Variants in NCAPG observed in about 807,000 individuals in gnomAD.
NCAPG encodes non-SMC condensin I complex subunit G.
A neutral mutation model predicts 113.1 loss-of-function variants in NCAPG; 69 were observed. That is an observed-to-expected ratio of 0.61 (90% CI 0.50 to 0.75). The LOEUF (loss-of-function observed/expected upper bound fraction) is 0.75, where lower values mean the gene tolerates loss of function less well. Among genes scored for constraint, NCAPG ranks in the 30% least tolerant of loss-of-function variants. NCAPG has a pLI of 0.00. For synonymous variants in NCAPG, 370 were observed against 415.8 expected (o/e 0.89, Z 1.34); for missense variants, 1,058 against 1,177.0 (o/e 0.90, Z 1.48).
chr4:17,817,809 A>C, intron 6 of NCAPG, 130 bp from the exon 7 acceptor site: 1 of 913,216 alleles, frequency 1.1e-6, no homozygotes, highest in Non-Finnish European at 1.5e-6. Context: ...GTGTGGATAC[A>C]TTAATGACTC....
At chr4:17,840,757 C>A (rs546057793) in intron 19 of NCAPG, 64 bp downstream of exon 19, 2 of 1,088,478 alleles carry the variant, frequency 1.8e-6, no homozygotes, top group African/African-American at 1.6e-5. Flanking sequence ...ATGAAAAATA[C>A]TTGTTTTGCA....
rs1721019737 is a variant in NCAPG, at chr4:17,812,354, C to T, written c.245C>T (p.Ser82Leu). Residue 82 changes from serine (S) to leucine (L), a missense_variant, in exon 2 of 21, where the codon TCA (serine) becomes TTA (leucine). Coordinates refer to ENST00000251496, the MANE Select transcript of NCAPG (RefSeq NM_022346.5). ...AAKFVTSFHQSDMEDDEEEED... is the reference protein window; with the variant it reads ...AAKFVTSFHQLDMEDDEEEED... ...AAGTTTGTTACCTCATTTCACCAAT[C>T]AGATATGGAAGATGATGAGGAAGAG... 1 of 1,613,576 alleles carries T rather than the reference C, an allele frequency of 6.2e-7. No homozygotes were observed. Among genetic ancestry groups the T allele is most frequent in the African/African-American group, 1.3e-5 (1 of 74,870 alleles).
At chr4:17,823,563 A>C in intron 8 of NCAPG, 84 bp from the exon 9 acceptor site, 1 of 1,220,902 alleles carries the variant, frequency 8.2e-7, no homozygotes, top group Non-Finnish European at 1.2e-6. Flanking sequence ...AGGCAAATGT[A>C]ATTAAGTTTG....
intron 19 of NCAPG, chr4:17,841,399 CATA>C (rs1722389267): frequency 6.6e-6 from 1 of 151,868 alleles, no homozygotes; most frequent in African/African-American, 2.4e-5. Context: ...GGAGTCTGGT[CATA>C]ATATTGTTTT....
Position 17,818,070 on chromosome 4 carries a change from A to T in NCAPG, c.1100A>T (p.Tyr367Phe). ...LEQILPEPVV[Y>F]ADYLLSYIQS... ...CAGATTTTGCCAGAGCCTGTAGTAT[A>T]TGCAGACTATTTATTGAGGTAAATT... The change falls in exon 7 of 21, where the codon TAT becomes TTT. Residue 367 changes from tyrosine (Y) to phenylalanine (F), a missense_variant. Transcript: ENST00000251496. 1 of 1,605,182 alleles carries T rather than the reference A, an allele frequency of 6.2e-7. No individual in the cohort carries two copies. Among genetic ancestry groups the T allele is most frequent in the Non-Finnish European group, 8.5e-7 (1 of 1,177,504 alleles).
chr4:17,835,034 A>C (rs1186591011), intron 14 of NCAPG, among the ~76,000 whole-genome samples: 1 of 152,168 alleles, frequency 6.6e-6, no homozygotes, highest in East Asian at 1.9e-4. Context: ...CTTTTAAGAA[A>C]TAGTTTAGAA....
At chr4:17,818,469 G>A (rs1164333022) in intron 7 of NCAPG, among the ~76,000 whole-genome samples, 1 of 152,148 alleles carries the variant, frequency 6.6e-6, no homozygotes, top group Non-Finnish European at 1.5e-5. Context: ...CCATGGTATT[G>A]TAAAAGCAGC....
At position 17,817,941 on chromosome 4, in the gene NCAPG, A is replaced by C. The variant is rs768114793; in HGVS notation, c.971A>C (p.Lys324Thr). 13 of 1,593,434 alleles carry C rather than the reference A, an allele frequency of 8.2e-6. No individual in the cohort carries two copies. The South Asian group carries it at 9.2e-5, about 11-fold the overall frequency. Residue 324 changes from lysine to threonine, a missense_variant and splice_region_variant, in exon 7 of 21, where the codon AAA becomes ACA. By Grantham distance (78) the Lys-to-Thr change is moderately conservative. Transcript: ENST00000251496. ...VGLCKNNDGR[K>T]LIPVETLTPE... is the part of the protein sequence containing the mutation. Reference sequence around the variant, plus strand: ...CACACTCTTTCTTTTAAATGAAGGAAATTGATTCCAGTGGAAACATTAACT... The same window carrying C: ...CACACTCTTTCTTTTAAATGAAGGACATTGATTCCAGTGGAAACATTAACT...
At chr4:17,842,856 G>C (rs1722549435) in intron 20 of NCAPG, 1 of 164,196 alleles carries the variant, frequency 6.1e-6, no homozygotes, top group Non-Finnish European at 1.3e-5. Context: ...TGTATTTTCA[G>C]TACATAGTTT....
At chr4:17,834,722 G>A (rs1038497960) in intron 14 of NCAPG, among the ~76,000 whole-genome samples, 199 bp downstream of exon 14, 5 of 152,158 alleles carry the variant, frequency 3.3e-5, no homozygotes, top group African/African-American at 9.6e-5. Context: ...TTCTCCTAAC[G>A]CTATCCCTCC....
At chr4:17,840,267 C>T in intron 18 of NCAPG, 58 bp downstream of exon 18, 1 of 1,442,200 alleles carries the variant, frequency 6.9e-7, no homozygotes, top group African/African-American at 1.5e-5. Context: ...TCCATCTTTA[C>T]TGAGACATAT....
intron 6 of NCAPG, 54 bp downstream of exon 6, chr4:17,817,507 ATTTGT>A: frequency 6.7e-7 from 1 of 1,481,684 alleles, no homozygotes; most frequent in Non-Finnish European, 9.2e-7. Flanking sequence ...TGTGCAATTA[ATTTGT>A]TTTTTTTCCT....
Position 17,811,115 on chromosome 4 carries a change from C to G in NCAPG, c.38C>G (p.Ala13Gly). Residue 13 changes from alanine to glycine, a missense_variant, in exon 1 of 21, where the codon GCC becomes GGC. By Grantham distance (60) the Ala-to-Gly change is moderately conservative. Transcript: ENST00000251496. The surrounding 1 kb of genome is among the most constrained non-coding windows in gnomAD (Gnocchi z 5.3). The stretch of plus-strand genomic sequence containing the variant: ...AGGAGGCTGCTGTCGATTAAGGAGG[C>G]CTTTCGGCTGGCGCAGCAGCCGCAC... ...AERRLLSIKE[A>G]FRLAQQPHQN... 6.5e-7 allele frequency: 1 copy of G among 1,533,200 alleles called. No homozygotes were observed. The highest frequency in any genetic ancestry group is 2.7e-5 in the East Asian group (1 of 37,556). 95.0% of individuals were successfully genotyped at this position (1,533,200 alleles called of 1,614,324 possible).
chr4:17,820,041 G>T (rs1017831558), intron 7 of NCAPG, among the ~76,000 whole-genome samples: 5 of 152,142 alleles, frequency 3.3e-5, no homozygotes, highest in Non-Finnish European at 7.4e-5. Flanking sequence ...CAAAAGGAAT[G>T]AGTTTGTGGC....
At position 17,842,394 on chromosome 4, in the gene NCAPG, T is replaced by C; in HGVS notation, c.2924+15T>C. The C allele has an allele frequency of 6.2e-7, 1 of 1,606,006 alleles. No homozygotes were observed. Among genetic ancestry groups the C allele is most frequent in the Non-Finnish European group, 8.5e-7 (1 of 1,173,256 alleles). ...GACTCTGAAAGGTATGTCATGCATG[T>C]CTAGAATATATGGAGGCCTATCTTC... On this transcript the variant is annotated intron_variant, in intron 20 of 20. Coordinates refer to ENST00000251496, the MANE Select transcript of NCAPG (RefSeq NM_022346.5).
intron 19 of NCAPG, 70 bp downstream of exon 19, chr4:17,840,763 T>G: frequency 2.9e-6 from 3 of 1,020,140 alleles, no homozygotes; most frequent in Admixed American, 3.0e-5. Flanking sequence ...AATACTTGTT[T>G]TGCAAGTTTT....
In NCAPG at chr4:17,813,047, T is replaced by A. The variant is rs1721061984; in HGVS notation, c.446T>A (p.Ile149Asn). Residue 149 changes from isoleucine to asparagine, a missense_variant, in exon 3 of 21, where the codon ATT becomes AAT. By Grantham distance (149) the Ile-to-Asn change is moderately radical. Transcript: ENST00000251496. Reference protein sequence around the residue: ...VFDKINKAMLIRLKDKIPNVR... With the variant: ...VFDKINKAMLNRLKDKIPNVR... ...GATAAAATTAATAAAGCCATGCTTA[T>A]TAGATTGAAAGATAAGATTCCAAAT... 1 of 1,613,952 alleles carries A rather than the reference T, an allele frequency of 6.2e-7. No homozygotes were observed. The highest frequency in any genetic ancestry group is 1.3e-5 in the African/African-American group (1 of 74,932).
chr4:17,823,094 GTCTT>G lies in NCAPG; in HGVS notation c.1232_1235del (p.Ser411TrpfsTer42). 1 of 1,609,364 alleles carries G rather than the reference GTCTT, an allele frequency of 6.2e-7. No homozygotes were observed. Among genetic ancestry groups the G allele is most frequent in the Non-Finnish European group, 8.5e-7 (1 of 1,178,376 alleles). On this transcript the variant is annotated frameshift_variant, in exon 8 of 21. Transcript: ENST00000251496. LOFTEE classifies it high-confidence loss of function. ...GTCAACAATTGATTCTAATTATTAA[GTCTT>G]TGGATACCAGTGAAGAAGGAGGAAG...
chr4:17,819,714 A>G (rs1007387314), intron 7 of NCAPG, among the ~76,000 whole-genome samples: 6 of 152,052 alleles, frequency 3.9e-5, no homozygotes, highest in African/African-American at 1.4e-4. Flanking sequence ...GTATTTTTTT[A>G]AAAAAGCTTC....
Sources: allele counts gnomAD v4.1 joint callset (sites outside exome capture counted in the v4.1 genomes callset), GRCh38; gene constraint gnomAD v4.1.1; non-coding constraint Gnocchi (gnomAD v3.1); transcripts MANE v1.5; gene names NCBI Gene and HGNC (gene_info 2026-07-23, HGNC 2026-07-21).